The following CYREN variants were observed in gnomAD, a reference collection of about 807,000 sequenced individuals.
CYREN encodes cell cycle regulator of NHEJ.
A neutral mutation model predicts 9.7 loss-of-function variants in CYREN; 7 were observed. That is an observed-to-expected ratio of 0.72 (90% confidence interval 0.41 to 1.36). The LOEUF is 1.36. CYREN is among the 40% of genes most tolerant of loss of function. The pLI is 0.01. For missense variants in CYREN, 215 were observed against 198.1 expected, an observed-to-expected ratio of 1.09 and a Z score of -0.51; for synonymous variants, 76 against 77.9, an observed-to-expected ratio of 0.98 and a Z score of 0.13.
At chr7:135,155,191 CT>C (rs1286706763) in intron 2 of CYREN, among the ~76,000 whole-genome samples, 2 of 152,126 alleles carry the variant, frequency 1.3e-5, no homozygotes, top group African/African-American at 4.8e-5. Context: ...CATGGAATAT[CT>C]TTTTCCACCC....
At chr7:135,135,635 C>T (rs542646947) in intron 2 of CYREN, 1 of 159,332 alleles carries the variant, frequency 6.3e-6, no homozygotes, top group Admixed American at 6.3e-5. Context: ...CCCTACTAGA[C>T]ACTTTAATCA....
intron 2 of CYREN, among the ~76,000 whole-genome samples, chr7:135,143,593 C>T (rs546169983): frequency 1.2e-4 from 18 of 152,118 alleles, no homozygotes; most frequent in Non-Finnish European, 2.5e-4. Flanking sequence ...TCTGTACCTT[C>T]CTCTCAATTT....
rs1425898198 is a variant in CYREN, at chr7:135,165,809, T to C, written c.*802A>G. On this transcript the variant is annotated 3_prime_UTR_variant, in exon 4 of 4. Coordinates refer to ENST00000393114, the MANE Select transcript of CYREN (RefSeq NM_024033.4). The stretch of plus-strand genomic sequence containing the variant: ...GCATTGGGGAATTGTGTGTATTTTC[T>C]AGCACTTGTGTATTGGAAAACCTGT... 1.2e-5 allele frequency: 2 copies of C among 167,158 alleles called. No homozygotes were observed. Among genetic ancestry groups the C allele is most frequent in the Non-Finnish European group, 2.9e-5 (2 of 68,142 alleles). The allele number at this position is 167,158 out of a possible 1,614,324, so 10.4% of individuals were successfully genotyped here.
intron 2 of CYREN, among the ~76,000 whole-genome samples, chr7:135,156,070 C>G (rs749741660): frequency 3.9e-5 from 6 of 152,002 alleles, no homozygotes; most frequent in Non-Finnish European, 8.8e-5. Context: ...AAATGCCATC[C>G]CATTGTTTTC....
At chr7:135,129,040 G>T in intron 2 of CYREN, 2 of 1,608,726 alleles carry the variant, frequency 1.2e-6, no homozygotes, top group Non-Finnish European at 1.7e-6. Context: ...ATCAGAGATG[G>T]CCAGGTTCAA....
chr7:135,099,695 A>T (rs1328434453), intron 2 of CYREN, among the ~76,000 whole-genome samples: 1 of 152,082 alleles, frequency 6.6e-6, no homozygotes, highest in Non-Finnish European at 1.5e-5. Context: ...AACCATTGCT[A>T]ATCAGATGTC....
intron 2 of CYREN, among the ~76,000 whole-genome samples, chr7:135,149,982 A>G (rs1011093646): frequency 2.0e-5 from 3 of 152,186 alleles, no homozygotes; most frequent in African/African-American, 7.2e-5. Context: ...TCTTTATTTT[A>G]GAATAGTTAA....
chr7:135,144,617 A>T (rs1274331368), intron 2 of CYREN, among the ~76,000 whole-genome samples: 1 of 152,006 alleles, frequency 6.6e-6, no homozygotes, highest in African/African-American at 2.4e-5. Context: ...AAAAGGGAAG[A>T]TAAAGAATAA....
intron 2 of CYREN, among the ~76,000 whole-genome samples, chr7:135,138,193 T>C (rs1319406234): frequency 7.9e-5 from 12 of 151,874 alleles, no homozygotes; most frequent in Non-Finnish European, 1.5e-4. Flanking sequence ...AGAAATTCTT[T>C]AGAAAGGATG....
intron 2 of CYREN, among the ~76,000 whole-genome samples, chr7:135,142,788 A>G (rs1022917118): frequency 4.0e-5 from 6 of 151,688 alleles, no homozygotes; most frequent in African/African-American, 1.5e-4. Context: ...GAGGAAAACT[A>G]TAAAACTCTG....
intron 2 of CYREN, among the ~76,000 whole-genome samples, chr7:135,155,123 T>A (rs1441666288): frequency 6.6e-6 from 1 of 152,240 alleles, no homozygotes; most frequent in Non-Finnish European, 1.5e-5. Flanking sequence ...TAATTTAAAG[T>A]CATCTGTTTT....
chr7:135,101,335 TATC>T, intron 2 of CYREN: 1 of 446,040 alleles, frequency 2.2e-6, no homozygotes, highest in South Asian at 1.6e-5. Flanking sequence ...GTTTTCACTA[TATC>T]ATCATTAACA....
chr7:135,167,268 T>C (rs1830230765), intron 3 of CYREN: 2 of 1,071,812 alleles, frequency 1.9e-6, no homozygotes, highest in African/African-American at 1.7e-5. Flanking sequence ...ACATAACGCA[T>C]GCTTTCAAGG....
At chr7:135,165,174 C>A (rs1830061894), downstream of CYREN, 1 of 648,520 alleles carries the variant, frequency 1.5e-6, no homozygotes. Flanking sequence ...AGCCAGGGCA[C>A]CTGTGACTTC....
intron 2 of CYREN, among the ~76,000 whole-genome samples, chr7:135,098,950 T>C (rs1016948355): frequency 3.3e-5 from 5 of 152,158 alleles, no homozygotes; most frequent in Admixed American, 1.3e-4. Context: ...AGAGAAACAT[T>C]ATAAAAAAAT....
intron 2 of CYREN, among the ~76,000 whole-genome samples, chr7:135,131,877 A>G (rs1243557583): frequency 6.6e-6 from 1 of 152,188 alleles, no homozygotes; most frequent in African/African-American, 2.4e-5. Flanking sequence ...AAAATCCTGC[A>G]TACATCAAAG....
At chr7:135,128,410 T>C (rs1828256595) in intron 2 of CYREN, 1 of 613,494 alleles carries the variant, frequency 1.6e-6, no homozygotes, top group South Asian at 1.7e-5. Flanking sequence ...ATCACTCTCA[T>C]GGTCATCTTG....
At chr7:135,134,656 G>C (rs1353641813) in intron 2 of CYREN, among the ~76,000 whole-genome samples, 4 of 151,700 alleles carry the variant, frequency 2.6e-5, no homozygotes, top group Non-Finnish European at 4.4e-5. Flanking sequence ...TACAGGATTG[G>C]AATAGTGCTA....
intron 2 of CYREN, among the ~76,000 whole-genome samples, chr7:135,136,956 C>T (rs1436079601): frequency 1.3e-5 from 2 of 152,030 alleles, no homozygotes; most frequent in African/African-American, 4.8e-5. Flanking sequence ...AGTCCACTTC[C>T]TCACTATGCT....
Sources: allele counts gnomAD v4.1 joint callset (sites outside exome capture counted in the v4.1 genomes callset), GRCh38; gene constraint gnomAD v4.1.1; transcripts MANE v1.5; gene names NCBI Gene and HGNC (gene_info 2026-07-23, HGNC 2026-07-21).